Variants in SNX14 observed in about 807,000 individuals in gnomAD.
The protein encoded by SNX14 is sorting nexin 14.
Under a neutral mutation model 133.8 loss-of-function variants are expected in SNX14, and 93 were observed. The observed-to-expected ratio is 0.70, with a 90% CI of 0.59 to 0.83. The LOEUF is 0.83. SNX14 is among the 40% of genes least tolerant of loss of function. The probability of loss-of-function intolerance (pLI) is 0.00; values close to 1 mark genes in which losing one functional copy is unlikely to be tolerated. For missense variants in SNX14, 945 were observed against 1,094.9 expected (o/e 0.86, Z 1.93); for synonymous variants, 368 against 365.6 (o/e 1.01, Z -0.07).
rs560273154 is a variant in SNX14 at position 85,528,182 on chromosome 6, C to T, written c.1995+80G>A. 5.5e-6 allele frequency: 5 copies of T among 902,922 alleles called. No homozygotes were observed. In the East Asian group the frequency reaches 1.3e-4, roughly 23 times the overall value. The allele number at this position is 902,922 out of a possible 1,614,324, so 55.9% of individuals were successfully genotyped here. On this transcript the variant is annotated intron_variant, in intron 20 of 28. Coordinates refer to ENST00000314673, the MANE Select transcript of SNX14 (RefSeq NM_153816.6). Reference sequence around the variant, plus strand: ...GGACAGGTATTTATAAACCAAAGAACATATACACAAGAGAAAAAGAGACAA... The same window carrying T: ...GGACAGGTATTTATAAACCAAAGAATATATACACAAGAGAAAAAGAGACAA...
In SNX14 at chr6:85,593,578, C is replaced by A; in HGVS notation, c.140+1G>T. The A allele has an allele frequency of 6.2e-7, 1 of 1,609,668 alleles. No individual in the cohort carries two copies. Among genetic ancestry groups the A allele is most frequent in the Non-Finnish European group, 8.5e-7 (1 of 1,178,350 alleles). On this transcript the variant is annotated splice_donor_variant, in intron 1 of 28. Transcript: ENST00000314673. LOFTEE classifies it high-confidence loss of function. ...GCCCAGGCTCCGCGCTGCGGCGTTACCTGTTAAGAAGCAGGGAGGCGGCGC... is the reference window on the plus strand; with the variant it reads ...GCCCAGGCTCCGCGCTGCGGCGTTAACTGTTAAGAAGCAGGGAGGCGGCGC...
At chr6:85,556,425 TAAAAAG>T (rs1789812585) in intron 7 of SNX14, among the ~76,000 whole-genome samples, 1 of 150,190 alleles carries the variant, frequency 6.7e-6, no homozygotes, top group Non-Finnish European at 1.5e-5. Context: ...GTTTTTAATT[TAAAAAG>T]AAAAAGAAAG....
intron 28 of SNX14, among the ~76,000 whole-genome samples, chr6:85,506,336 A>G (rs1171072841): frequency 6.9e-6 from 1 of 145,636 alleles, no homozygotes; most frequent in Non-Finnish European, 1.5e-5. Context: ...TTTTTTTTTT[A>G]GATGGAGTCT....
chr6:85,548,258 A>G, intron 9 of SNX14, 43 bp downstream of exon 9: 1 of 1,334,570 alleles, frequency 7.5e-7, no homozygotes, highest in South Asian at 1.3e-5. Flanking sequence ...ATGTTATATT[A>G]AGTGTAATTT....
chr6:85,580,262 TA>T (rs1393427360), intron 1 of SNX14, among the ~76,000 whole-genome samples: 4 of 151,706 alleles, frequency 2.6e-5, no homozygotes, highest in African/African-American at 9.7e-5. Context: ...CCACTGCCTT[TA>T]AAGGAAGGAC....
intron 6 of SNX14, among the ~76,000 whole-genome samples, chr6:85,558,669 G>A (rs1398932450): frequency 1.3e-5 from 2 of 151,984 alleles, no homozygotes; most frequent in African/African-American, 2.4e-5. Context: ...TCGCCATGTT[G>A]CCCAGGCTGG....
At chr6:85,537,775 T>C (rs1468892815) in intron 16 of SNX14, among the ~76,000 whole-genome samples, 7 of 152,026 alleles carry the variant, frequency 4.6e-5, no homozygotes, top group Non-Finnish European at 5.9e-5. Context: ...ATGGCGAAAC[T>C]GCGTCTGTAC....
chr6:85,529,346 CGAA>C (rs745309835), intron 19 of SNX14, among the ~76,000 whole-genome samples: 4 of 143,110 alleles, frequency 2.8e-5, no homozygotes, highest in Non-Finnish European at 6.1e-5. Flanking sequence ...AACAAGGAAA[CGAA>C]GGAAGAAAGA....
chr6:85,572,000 T>C, intron 4 of SNX14, 137 bp downstream of exon 4: 1 of 659,080 alleles, frequency 1.5e-6, no homozygotes, highest in Non-Finnish European at 2.6e-6. Context: ...TAGTCTGCAA[T>C]AATCAACTGC....
chr6:85,540,449 A>C (rs1407041189), intron 15 of SNX14, among the ~76,000 whole-genome samples: 2 of 152,230 alleles, frequency 1.3e-5, no homozygotes, highest in Non-Finnish European at 2.9e-5. Flanking sequence ...AAAGAATTCA[A>C]ATGCAAGAAA....
At chr6:85,580,747 G>A (rs991856272) in intron 1 of SNX14, among the ~76,000 whole-genome samples, 1 of 152,176 alleles carries the variant, frequency 6.6e-6, no homozygotes, top group Non-Finnish European at 1.5e-5. Flanking sequence ...GGTGGTAGTT[G>A]ACACGGAGAG....
intron 4 of SNX14, 70 bp from the exon 5 acceptor site, chr6:85,567,647 G>A: frequency 3.0e-6 from 3 of 1,013,144 alleles, no homozygotes; most frequent in Non-Finnish European, 4.2e-6. Context: ...GGTACCATTT[G>A]GGAATATGTA....
chr6:85,523,162 A>G (rs1164604642), intron 21 of SNX14, among the ~76,000 whole-genome samples: 2 of 152,220 alleles, frequency 1.3e-5, no homozygotes, highest in Admixed American at 6.5e-5. Flanking sequence ...GGTAAGTTAT[A>G]TTGGTATCAA....
chr6:85,540,825 C>T (rs1783474913), intron 15 of SNX14, among the ~76,000 whole-genome samples: 1 of 152,020 alleles, frequency 6.6e-6, no homozygotes, highest in South Asian at 2.1e-4. Flanking sequence ...CTTTGTAGTA[C>T]ATATCCAATT....
chr6:85,590,066 T>G (rs1802325562), intron 1 of SNX14, among the ~76,000 whole-genome samples: 1 of 152,228 alleles, frequency 6.6e-6, no homozygotes, highest in Admixed American at 6.5e-5. Flanking sequence ...ATCAAAAGAA[T>G]TTTTAAAGGC....
chr6:85,573,763 C>A (rs940716758), intron 2 of SNX14, among the ~76,000 whole-genome samples: 3 of 152,158 alleles, frequency 2.0e-5, no homozygotes, highest in African/African-American at 7.2e-5. Flanking sequence ...GGCTCTAACC[C>A]AGAACTATTC....
intron 8 of SNX14, 35 bp downstream of exon 8, chr6:85,549,688 T>G (rs201923629): frequency 5.1e-6 from 8 of 1,570,712 alleles, no homozygotes; most frequent in Non-Finnish European, 6.9e-6. Flanking sequence ...TGGCATGTTA[T>G]GCAAATACTA....
Position 85,543,184 on chromosome 6 carries a change from C to A in SNX14, c.1387G>T (p.Glu463Ter), listed in dbSNP as rs780320408. ...VFTPMFCHSD[E>*]YFRQLLRGAE... ...ACAAGGTTAATATTTTGACTTACCT[C>A]ATCACTATGGCAGAACATAGGAGTA... Residue 463 changes from glutamate to a stop codon, truncating the protein, a stop_gained and splice_region_variant, in exon 14 of 29, where the codon GAG becomes TAG. Transcript: ENST00000314673. LOFTEE classifies it high-confidence loss of function. The A allele has an allele frequency of 1.9e-6, 3 of 1,539,536 alleles. No homozygotes were observed. The highest frequency in any genetic ancestry group is 2.6e-6 in the Non-Finnish European group (3 of 1,148,860).
chr6:85,509,473 A>C (rs1004608431), intron 26 of SNX14, among the ~76,000 whole-genome samples: 2 of 140,702 alleles, frequency 1.4e-5, no homozygotes, highest in Non-Finnish European at 3.1e-5. Flanking sequence ...CTAGTTCCTC[A>C]ATATTAAGAA....
Sources: allele counts gnomAD v4.1 joint callset (sites outside exome capture counted in the v4.1 genomes callset), GRCh38; gene constraint gnomAD v4.1.1; transcripts MANE v1.5; gene names NCBI Gene and HGNC (gene_info 2026-07-23, HGNC 2026-07-21).